The following TENM3 variants were observed in gnomAD, a reference collection of about 807,000 sequenced individuals.
The protein encoded by TENM3 is teneurin-3.
A neutral mutation model predicts 255.1 loss-of-function variants in TENM3; 63 were observed. That is an observed-to-expected ratio of 0.25 (90% CI 0.20 to 0.30). TENM3 has a LOEUF of 0.30. Ranked by LOEUF, TENM3 falls within the 10% of genes least tolerant of loss-of-function variation. TENM3 has a pLI of 1.00. For synonymous variants in TENM3, 1,306 were observed against 1,322.3 expected, an observed-to-expected ratio of 0.99 and a Z score of 0.27; for missense variants, 2,929 against 3,461.1, an observed-to-expected ratio of 0.85 and a Z score of 3.86.
chr4:181,448,305 G>T, the TENM3 span, among the ~76,000 whole-genome samples: 1 of 142,830 alleles, frequency 7.0e-6, no homozygotes, highest in African/African-American at 2.6e-5. Flanking sequence ...TAGAGTAGCT[G>T]GGAATACAGG....
chr4:182,266,686 G>A (rs1759265653), intron 1 of TENM3, among the ~76,000 whole-genome samples: 1 of 152,108 alleles, frequency 6.6e-6, no homozygotes, highest in African/African-American at 2.4e-5. Context: ...CATACAGGAA[G>A]CATTATTAAA....
the TENM3 span, among the ~76,000 whole-genome samples, chr4:181,525,140 G>A: frequency 2.6e-5 from 4 of 152,120 alleles, no homozygotes; most frequent in Non-Finnish European, 5.9e-5. Context: ...GCCACGGTAG[G>A]TGGCTCACAC....
the TENM3 span, among the ~76,000 whole-genome samples, chr4:181,977,096 C>G: frequency 6.6e-6 from 1 of 152,182 alleles, no homozygotes; most frequent in South Asian, 2.1e-4. Flanking sequence ...CTGGACCGCC[C>G]AGCTTCAAAT....
chr4:182,354,935 T>A (rs1765421654), intron 3 of TENM3, among the ~76,000 whole-genome samples: 1 of 152,234 alleles, frequency 6.6e-6, no homozygotes, highest in Non-Finnish European at 1.5e-5. Context: ...TCATAAATGC[T>A]GGATATGGTA....
chr4:181,481,054 C>G, the TENM3 span, among the ~76,000 whole-genome samples: 1 of 151,162 alleles, frequency 6.6e-6, no homozygotes, highest in African/African-American at 2.4e-5. Context: ...CATGATAAAT[C>G]AAAATTAAAA....
chr4:181,851,078 A>C, the TENM3 span, among the ~76,000 whole-genome samples: 1 of 152,326 alleles, frequency 6.6e-6, no homozygotes, highest in Non-Finnish European at 1.5e-5. Context: ...CACTTCCCAA[A>C]GAGATACCTC....
At chr4:181,875,574 G>A in the TENM3 span, among the ~76,000 whole-genome samples, 1 of 152,034 alleles carries the variant, frequency 6.6e-6, no homozygotes, top group South Asian at 2.1e-4. Context: ...CTTACAGTAG[G>A]AAAAACATGT....
chr4:182,475,876 G>A (rs551311646), intron 3 of TENM3, among the ~76,000 whole-genome samples: 1 of 152,244 alleles, frequency 6.6e-6, no homozygotes. Context: ...ATGATAATTG[G>A]ATTCCAGAAG....
intron 3 of TENM3, among the ~76,000 whole-genome samples, chr4:182,349,162 C>T (rs917366392): frequency 6.6e-6 from 1 of 152,280 alleles, no homozygotes; most frequent in Non-Finnish European, 1.5e-5. Flanking sequence ...GTTTGTTGAG[C>T]TGGGCAACAT....
the TENM3 span, among the ~76,000 whole-genome samples, chr4:181,615,720 T>A: frequency 1.3e-5 from 2 of 152,174 alleles, no homozygotes; most frequent in Admixed American, 1.3e-4. Flanking sequence ...TTCTGCAAGG[T>A]CAGAGGGTAC....
At chr4:182,452,449 A>G (rs1018676286) in intron 3 of TENM3, among the ~76,000 whole-genome samples, 3 of 152,292 alleles carry the variant, frequency 2.0e-5, no homozygotes, top group Non-Finnish European at 2.9e-5. Context: ...AGCTAACACA[A>G]CTGCAGTCAC....
chr4:182,661,914 G>T (rs901527000), intron 6 of TENM3, among the ~76,000 whole-genome samples: 1 of 152,160 alleles, frequency 6.6e-6, no homozygotes, highest in African/African-American at 2.4e-5. Flanking sequence ...TCATAGGCAG[G>T]TGGCAAATTC....
the TENM3 span, among the ~76,000 whole-genome samples, chr4:181,732,988 A>C: frequency 6.6e-6 from 1 of 152,224 alleles, no homozygotes; most frequent in Non-Finnish European, 1.5e-5. Flanking sequence ...TGAGAAGGAA[A>C]AGAAGGAGGA....
intron 4 of TENM3, among the ~76,000 whole-genome samples, chr4:182,623,754 C>T (rs1750530281): frequency 6.6e-6 from 1 of 152,160 alleles, no homozygotes; most frequent in South Asian, 2.1e-4. Context: ...ACACTCTTCT[C>T]CACTAAGACA....
At chr4:182,488,862 G>C (rs1055022082) in intron 3 of TENM3, among the ~76,000 whole-genome samples, 2 of 152,134 alleles carry the variant, frequency 1.3e-5, no homozygotes, top group East Asian at 1.9e-4. Flanking sequence ...TGCTGGGACA[G>C]AAGCCAGTGG....
chr4:181,696,882 G>A, the TENM3 span, among the ~76,000 whole-genome samples: 632 of 152,252 alleles, frequency 4.2e-3, 6 homozygotes, highest in African/African-American at 0.015. Flanking sequence ...TAGACAAAAG[G>A]GTGTGCGTCA....
chr4:181,744,568 C>A, the TENM3 span, among the ~76,000 whole-genome samples: 1 of 152,062 alleles, frequency 6.6e-6, no homozygotes, highest in Non-Finnish European at 1.5e-5. Context: ...AAGGGATATC[C>A]CTGGTTGTTA....
chr4:182,234,190 A>G (rs1185274860), intron 1 of TENM3, among the ~76,000 whole-genome samples: 2 of 151,626 alleles, frequency 1.3e-5, no homozygotes, highest in Non-Finnish European at 2.9e-5. Context: ...TCTCTCTCTA[A>G]CCTCTGTCTT....
chr4:182,391,126 A>G (rs1768394071), intron 3 of TENM3, among the ~76,000 whole-genome samples: 1 of 152,214 alleles, frequency 6.6e-6, no homozygotes. Context: ...CTTTTATATT[A>G]GAGTAATATT....
Sources: gnomAD v4.1 joint callset for allele counts (sites outside exome capture counted in the v4.1 genomes callset) on GRCh38, gnomAD v4.1.1 for gene constraint, MANE v1.5 for transcripts, NCBI Gene and HGNC (gene_info 2026-07-23, HGNC 2026-07-21) for gene names.